ANK2: variants seen among roughly 807,000 people sequenced by gnomAD.
ANK2 encodes ankyrin-2.
Under a neutral mutation model 360.5 loss-of-function variants are expected in ANK2, and 83 were observed. The observed-to-expected ratio is 0.23, with a 90% CI of 0.19 to 0.28. The LOEUF is 0.28. Ranked by LOEUF, ANK2 falls within the 10% of genes least tolerant of loss-of-function variation. The pLI is 1.00. For synonymous variants in ANK2, 1,740 were observed against 1,759.5 expected (o/e 0.99, Z 0.28); for missense variants, 4,201 against 4,795.7 (o/e 0.88, Z 3.66).
intron 1 of ANK2, among the ~76,000 whole-genome samples, chr4:112,884,840 C>T (rs2077797143): frequency 6.6e-6 from 1 of 152,122 alleles, no homozygotes; most frequent in Admixed American, 6.6e-5. Context: ...TCAGGTGTGT[C>T]CCTCACCTCC....
In ANK2 at chr4:113,282,761, C is replaced by G; in HGVS notation, c.1968C>G (p.Asn656Lys). The change falls in exon 18 of 46, where the codon AAC (asparagine) becomes AAG (lysine). Residue 656 changes from asparagine to lysine, a missense_variant. Asn to Lys is a moderately conservative substitution (Grantham distance 94, BLOSUM62 0). Around this residue, in one of 4 missense-constraint regions of ANK2, gnomAD observed 1,268 missense variants for 1,650.8 expected, o/e 0.77. Transcript: ENST00000357077. ...STLLNYGAET[N>K]IVTKQGVTPL... ...TCCTGAACTATGGAGCAGAGACAAA[C>G]ATTGTGACAAAGCAAGGAGTAACTC... 3.7e-6 allele frequency: 6 copies of G among 1,613,908 alleles called. No homozygotes were observed. Among genetic ancestry groups the G allele is most frequent in the Non-Finnish European group, 5.1e-6 (6 of 1,179,918 alleles).
chr4:112,852,310 C>A (rs1277690823), intron 1 of ANK2, among the ~76,000 whole-genome samples: 2 of 152,162 alleles, frequency 1.3e-5, no homozygotes, highest in African/African-American at 4.8e-5. Context: ...TCAATTTCCA[C>A]CCAGATGGCT....
At chr4:112,956,697 T>C (rs1247130114) in intron 2 of ANK2, among the ~76,000 whole-genome samples, 1 of 152,230 alleles carries the variant, frequency 6.6e-6, no homozygotes, top group East Asian at 1.9e-4. Context: ...TTTTCAGAAC[T>C]TGATTGATTG....
chr4:112,961,062 T>A (rs1045121955), intron 2 of ANK2, among the ~76,000 whole-genome samples: 1 of 141,944 alleles, frequency 7.0e-6, no homozygotes, highest in Non-Finnish European at 1.6e-5. Context: ...AAATAACTGT[T>A]TTTTTTTTTT....
intron 1 of ANK2, among the ~76,000 whole-genome samples, chr4:112,860,593 G>A (rs954350447): frequency 1.3e-5 from 2 of 151,834 alleles, no homozygotes; most frequent in African/African-American, 4.8e-5. Context: ...TGAAGCAGTT[G>A]GAAAAAATAA....
the ANK2 span, among the ~76,000 whole-genome samples, chr4:112,774,720 CG>C: frequency 6.6e-6 from 1 of 152,052 alleles, no homozygotes; most frequent in African/African-American, 2.4e-5. Flanking sequence ...GGGGTGGAAA[CG>C]GGAGGCCAAG....
chr4:112,840,082 G>C (rs1446692732), intron 1 of ANK2, among the ~76,000 whole-genome samples: 2 of 152,180 alleles, frequency 1.3e-5, no homozygotes, highest in Non-Finnish European at 2.9e-5. Context: ...AAGATGTATA[G>C]GACATGGTCC....
At chr4:112,846,270 G>A (rs2063280874) in intron 1 of ANK2, among the ~76,000 whole-genome samples, 1 of 151,902 alleles carries the variant, frequency 6.6e-6, no homozygotes, top group South Asian at 2.1e-4. Context: ...ACCACACCTA[G>A]CTAAGTACTT....
At chr4:112,832,399 GA>G (rs1328259304) in intron 1 of ANK2, among the ~76,000 whole-genome samples, 1 of 152,046 alleles carries the variant, frequency 6.6e-6, no homozygotes, top group African/African-American at 2.4e-5. Flanking sequence ...ATGTACCCCT[GA>G]ACCTAAAATA....
At chr4:112,739,103 A>G in the ANK2 span, 1 of 498,008 alleles carries the variant, frequency 2.0e-6, no homozygotes, top group South Asian at 1.7e-5. Context: ...AAGAAAATGA[A>G]TAGATAGCTC....
intron 2 of ANK2, among the ~76,000 whole-genome samples, chr4:112,936,348 CCTT>C (rs911517471): frequency 6.6e-6 from 1 of 151,188 alleles, no homozygotes; most frequent in African/African-American, 2.4e-5. Flanking sequence ...TAATCATTAT[CCTT>C]TTTTTTTTTT....
At chr4:113,374,524 A>C (rs1454522178) in intron 45 of ANK2, among the ~76,000 whole-genome samples, 1 of 152,050 alleles carries the variant, frequency 6.6e-6, no homozygotes, top group East Asian at 1.9e-4. Context: ...CACAAAACTG[A>C]TAACTTTTTG....
chr4:113,129,073 T>A (rs1562268835), intron 1 of ANK2, among the ~76,000 whole-genome samples: 1 of 152,120 alleles, frequency 6.6e-6, no homozygotes. Flanking sequence ...TACACAGAAA[T>A]CTGAGCAACA....
intron 1 of ANK2, among the ~76,000 whole-genome samples, chr4:113,097,877 C>CATATATATATATATATATATAT (rs1491243355): frequency 7.6e-6 from 1 of 131,774 alleles, no homozygotes; most frequent in African/African-American, 2.9e-5. Flanking sequence ...TATATATATG[C>CATATATATATATATATATATAT]ACACACACAC....
chr4:113,330,140 AAAAG>A lies in ANK2; in HGVS notation c.2901-104_2901-101del, dbSNP rs1300624340. The A allele has an allele frequency of 6.2e-6, 7 of 1,136,130 alleles. No homozygotes were observed. The African/African-American group carries it at 9.3e-5, about 15-fold the overall frequency. 70.4% of individuals were successfully genotyped at this position (1,136,130 alleles called of 1,614,324 possible). On this transcript the variant is annotated intron_variant, in intron 26 of 45. Coordinates refer to ENST00000357077, the MANE Select transcript of ANK2 (RefSeq NM_001148.6). Reference sequence around the variant, plus strand: ...ATTTTACCACCATGCATTTAAATAAAAAAGAGAGATTTTGAGACAAAGCATTACG... The same window carrying A: ...ATTTTACCACCATGCATTTAAATAAAAGAGATTTTGAGACAAAGCATTACG...
chr4:113,307,312 C>T (rs1252461776), intron 23 of ANK2, among the ~76,000 whole-genome samples: 3 of 151,786 alleles, frequency 2.0e-5, no homozygotes, highest in Non-Finnish European at 2.9e-5. Context: ...CATGTCTCAG[C>T]AGGAATAATG....
chr4:113,345,900 G>A lies in ANK2; in HGVS notation c.4249G>A (p.Val1417Ile), dbSNP rs201966564. ...KENRLPLFVK[V>I]RDTTQEPCGR... Reference sequence around the variant, plus strand: ...AGCATGTATGTCTTTCTTGTTCAAGGTACGCGATACGACTCAGGAACCTTG... The same window carrying A: ...AGCATGTATGTCTTTCTTGTTCAAGATACGCGATACGACTCAGGAACCTTG... Residue 1417 changes from valine to isoleucine, a missense_variant and splice_region_variant, in exon 35 of 46, where the codon GTA becomes ATA. By Grantham distance (29) the Val-to-Ile change is conservative. This residue lies in a region of ANK2 where 1,268 missense variants were observed against 1,650.8 expected (regional missense o/e 0.77). Transcript: ENST00000357077. The A allele has an allele frequency of 2.5e-6, 4 of 1,613,236 alleles. No individual in the cohort carries two copies. Among genetic ancestry groups the A allele is most frequent in the Non-Finnish European group, 3.4e-6 (4 of 1,179,476 alleles).
chr4:112,930,261 A>G (rs1022448131), intron 2 of ANK2, among the ~76,000 whole-genome samples: 2 of 151,980 alleles, frequency 1.3e-5, no homozygotes, highest in Admixed American at 1.3e-4. Context: ...CCTGGGCAAC[A>G]TGGTGAGACC....
intron 2 of ANK2, among the ~76,000 whole-genome samples, chr4:112,914,872 G>A (rs1318560956): frequency 1.3e-4 from 20 of 152,078 alleles, no homozygotes; most frequent in Non-Finnish European, 2.6e-4. Context: ...TTGTCTGTTG[G>A]GGGAAAAGTC....
Sources: allele counts gnomAD v4.1 joint callset (sites outside exome capture counted in the v4.1 genomes callset), GRCh38; gene constraint gnomAD v4.1.1; regional missense constraint gnomAD v4.1.1; transcripts MANE v1.5; gene names NCBI Gene and HGNC (gene_info 2026-07-23, HGNC 2026-07-21).